Variants in FBRSL1 observed in about 807,000 individuals in gnomAD.
The protein encoded by FBRSL1 is fibrosin-1-like protein.
Under a neutral mutation model 89.6 loss-of-function variants are expected in FBRSL1, and 51 were observed. That is an observed-to-expected ratio of 0.57 (90% confidence interval 0.45 to 0.72). The LOEUF is 0.72. FBRSL1 is among the 30% of genes least tolerant of loss of function. The probability of loss-of-function intolerance (pLI) is 0.00; values close to 1 mark genes in which losing one functional copy is unlikely to be tolerated. For missense variants in FBRSL1, 1,618 were observed against 1,451.8 expected (o/e 1.11, Z -1.86); for synonymous variants, 779 against 681.1 (o/e 1.14, Z -2.24).
chr12:132,581,737 A>C lies in FBRSL1; in HGVS notation c.1913-4A>C. The C allele has an allele frequency of 2.6e-6, 4 of 1,550,074 alleles. No individual in the cohort carries two copies. The highest frequency in any genetic ancestry group is 3.5e-6 in the Non-Finnish European group (4 of 1,146,802). The stretch of plus-strand genomic sequence containing the variant: ...ACCTCTGGGTCCCGCGGTTGCCCCC[A>C]CAGACCCTTTCAGCAGACCGAGCAC... On this transcript the variant is annotated splice_region_variant and splice_polypyrimidine_tract_variant and intron_variant, in intron 16 of 18. Coordinates refer to ENST00000680143, the MANE Select transcript of FBRSL1 (RefSeq NM_001367871.1).
chr12:132,506,690 C>A (rs932292362), intron 1 of FBRSL1, among the ~76,000 whole-genome samples: 1 of 152,262 alleles, frequency 6.6e-6, no homozygotes, highest in Non-Finnish European at 1.5e-5. Flanking sequence ...TAGCAGATTG[C>A]GTCCACAGCT....
chr12:132,573,866 C>T (rs781487686), intron 11 of FBRSL1, among the ~76,000 whole-genome samples: 2 of 152,160 alleles, frequency 1.3e-5, no homozygotes, highest in Non-Finnish European at 2.9e-5. Flanking sequence ...GGAGGGTCGC[C>T]CACCTTCCCT....
At chr12:132,562,941 A>G (rs1180111870) in intron 5 of FBRSL1, among the ~76,000 whole-genome samples, 1 of 152,004 alleles carries the variant, frequency 6.6e-6, no homozygotes, top group Non-Finnish European at 1.5e-5. Context: ...TTATTTTCAG[A>G]TAAGAGGTGA....
chr12:132,543,481 C>T (rs893246453), intron 4 of FBRSL1, among the ~76,000 whole-genome samples: 2 of 152,200 alleles, frequency 1.3e-5, no homozygotes, highest in East Asian at 1.9e-4. Flanking sequence ...GTGTTGGGAA[C>T]CCACAGGGAG....
intron 2 of FBRSL1, among the ~76,000 whole-genome samples, chr12:132,523,947 G>A (rs1482653166): frequency 6.6e-6 from 1 of 152,222 alleles, no homozygotes; most frequent in Admixed American, 6.5e-5. Context: ...AGCTGGGACC[G>A]TGGTGCCAGC....
At chr12:132,538,054 C>T (rs1047806765) in intron 4 of FBRSL1, among the ~76,000 whole-genome samples, 4 of 152,144 alleles carry the variant, frequency 2.6e-5, no homozygotes, top group Non-Finnish European at 5.9e-5. Flanking sequence ...GGGGAACGGG[C>T]TCACCCAGAT....
intron 5 of FBRSL1, 62 bp from the exon 6 acceptor site, chr12:132,567,419 C>T (rs374822559): frequency 1.6e-5 from 24 of 1,511,958 alleles, no homozygotes; most frequent in East Asian, 2.5e-5. Flanking sequence ...GGGCATTGGG[C>T]GCAAGGTCCA....
chr12:132,537,458 G>A (rs1447378698), intron 4 of FBRSL1, among the ~76,000 whole-genome samples: 6 of 152,168 alleles, frequency 3.9e-5, no homozygotes, highest in Admixed American at 3.9e-4. Context: ...CCGTGTCCCA[G>A]GGCGTCGCAG....
chr12:132,572,969 G>A (rs1392892221), intron 11 of FBRSL1, among the ~76,000 whole-genome samples: 1 of 152,184 alleles, frequency 6.6e-6, no homozygotes, highest in African/African-American at 2.4e-5. Context: ...ACCGCAAGGA[G>A]GTTCTTACGG....
At chr12:132,524,914 C>CT (rs2035660815) in intron 2 of FBRSL1, among the ~76,000 whole-genome samples, 1 of 152,242 alleles carries the variant, frequency 6.6e-6, no homozygotes, top group African/African-American at 2.4e-5. Flanking sequence ...GTCTGCGCCT[C>CT]TGTTTTCTCA....
At chr12:132,569,792 C>T in intron 6 of FBRSL1, 134 bp from the exon 7 acceptor site, 1 of 616,276 alleles carries the variant, frequency 1.6e-6, no homozygotes, top group South Asian at 4.2e-5. Flanking sequence ...GTGCCTGCCT[C>T]CTCATCTGAA....
At position 132,576,929 on chromosome 12, in the gene FBRSL1, C is replaced by G. The variant is rs2040417861; in HGVS notation, c.1832C>G (p.Thr611Arg). The change falls in exon 15 of 19, where the codon ACA becomes AGA. Residue 611 changes from threonine to arginine, a missense_variant and splice_region_variant. Coordinates refer to ENST00000680143, the MANE Select transcript of FBRSL1 (RefSeq NM_001367871.1). The stretch of plus-strand genomic sequence containing the variant: ...CTGGCCCGGCCCCTCTTCCCCAGCA[C>G]AGGTGAGACTGGAGTCGGGCCAGGT... ...QDLARPLFPS[T>R]GAAHPASNPF... 1.9e-6 allele frequency: 3 copies of G among 1,549,078 alleles called. No individual in the cohort carries two copies. Among genetic ancestry groups the G allele is most frequent in the Non-Finnish European group, 2.6e-6 (3 of 1,146,122 alleles).
chr12:132,527,000 G>A (rs1233562082), intron 3 of FBRSL1, among the ~76,000 whole-genome samples: 1 of 152,168 alleles, frequency 6.6e-6, no homozygotes, highest in Non-Finnish European at 1.5e-5. Context: ...GCAGGCCAGA[G>A]GGATCCCCAC....
chr12:132,571,901 T>G, intron 9 of FBRSL1: 6 of 326,418 alleles, frequency 1.8e-5, no homozygotes, highest in South Asian at 8.2e-5. Context: ...GAGGAGGGAG[T>G]TGCTGGGGGC....
intron 1 of FBRSL1, among the ~76,000 whole-genome samples, chr12:132,493,589 C>A (rs1016013423): frequency 6.6e-6 from 1 of 152,240 alleles, no homozygotes; most frequent in African/African-American, 2.4e-5. Flanking sequence ...ACAGGCACCC[C>A]TTGCCCTGTG....
intron 1 of FBRSL1, among the ~76,000 whole-genome samples, chr12:132,502,318 C>T (rs1048762683): frequency 2.6e-5 from 4 of 152,226 alleles, no homozygotes; most frequent in South Asian, 4.1e-4. Flanking sequence ...CAAACTGCCG[C>T]CCTGGGCCAT....
Position 132,576,916 on chromosome 12 carries a change from C to T in FBRSL1, c.1819C>T (p.Leu607Phe). The T allele has an allele frequency of 6.5e-7, 1 of 1,549,984 alleles. No homozygotes were observed. Among genetic ancestry groups the T allele is most frequent in the Non-Finnish European group, 8.7e-7 (1 of 1,146,546 alleles). ...FHYPQDLARP[L>F]FPSTGAAHPA... ...CTACCCACAGGACCTGGCCCGGCCC[C>T]TCTTCCCCAGCACAGGTGAGACTGG... is the stretch of plus-strand genomic sequence containing the variant. Residue 607 changes from leucine to phenylalanine, a missense_variant, in exon 15 of 19, where the codon CTC becomes TTC. Leu to Phe is a conservative substitution (Grantham distance 22). Transcript: ENST00000680143.
At position 132,585,143 on chromosome 12, in the gene FBRSL1, C is replaced by G. The variant is rs978898644; in HGVS notation, c.*1365C>G. ...CCCTGTTTGTTTTAAATATTCTGTT[C>G]CCATGTCAATCAGTGACGATAAATA... On this transcript the variant is annotated 3_prime_UTR_variant, in exon 19 of 19. Transcript: ENST00000680143. The G allele has an allele frequency of 6.7e-5, 10 of 148,940 alleles. No homozygotes were observed. The allele number at this position is 148,940 out of a possible 1,614,324, so 9.2% of individuals were successfully genotyped here.
chr12:132,505,595 C>G (rs2033584353), intron 1 of FBRSL1, among the ~76,000 whole-genome samples: 2 of 152,360 alleles, frequency 1.3e-5, no homozygotes, highest in African/African-American at 4.8e-5. Context: ...CCACCAACCC[C>G]TCAGGTGTAC....
Sources: gnomAD v4.1 joint callset for allele counts (sites outside exome capture counted in the v4.1 genomes callset) on GRCh38, gnomAD v4.1.1 for gene constraint, MANE v1.5 for transcripts, NCBI Gene and HGNC (gene_info 2026-07-23, HGNC 2026-07-21) for gene names.